The following MRAP2 variants were observed in gnomAD, a reference collection of about 807,000 sequenced individuals.
MRAP2 encodes the protein melanocortin-2 receptor accessory protein 2.
In MRAP2, 20 loss-of-function variants were observed where a neutral mutation model predicts 17.4. That is an observed-to-expected ratio of 1.15 (90% CI 0.81 to 1.67). The LOEUF (loss-of-function observed/expected upper bound fraction) is 1.67. MRAP2 is among the 40% of genes most tolerant of loss of function. The probability of loss-of-function intolerance (pLI) is 0.00; values close to 1 mark genes in which losing one functional copy is unlikely to be tolerated. For missense variants in MRAP2, 238 were observed against 240.0 expected, an observed-to-expected ratio of 0.99 and a Z score of 0.05; for synonymous variants, 96 against 88.4, an observed-to-expected ratio of 1.09 and a Z score of -0.48.
In MRAP2 at chr6:84,056,252, G is replaced by A. The variant is rs182212184; in HGVS notation, c.127+807G>A. Among the ~76,000 whole-genome samples, 15 of 152,316 alleles carry A rather than the reference G, an allele frequency of 9.8e-5. No individual in the cohort carries two copies. The South Asian group carries it at 1.0e-3, about 11-fold the overall frequency. On this transcript the variant is annotated intron_variant, in intron 2 of 3. Coordinates refer to ENST00000257776, the MANE Select transcript of MRAP2 (RefSeq NM_138409.4). ...GGTCCAGGTTAGTGGGACACATTAG[G>A]AAATATAAGAGGGCTTAGAATCAGA...
chr6:84,057,118 G>A (rs9449761), intron 2 of MRAP2, among the ~76,000 whole-genome samples: 7,815 of 152,120 alleles, frequency 0.051, 625 homozygotes, highest in African/African-American at 0.17. Context: ...AAATATATGC[G>A]ACACATTGAG....
At chr6:84,044,131 C>T (rs1049514382) in intron 1 of MRAP2, among the ~76,000 whole-genome samples, 6 of 152,130 alleles carry the variant, frequency 3.9e-5, no homozygotes, top group South Asian at 2.1e-4. Context: ...TGAATTTCCT[C>T]GGGCTGCCAT....
At chr6:84,125,307 A>G in the MRAP2 span, 4 of 1,572,376 alleles carry the variant, frequency 2.5e-6, no homozygotes, top group Admixed American at 3.4e-5. Flanking sequence ...CATTGCTGTT[A>G]TAGTTCATAG....
chr6:84,062,084 T>C, intron 2 of MRAP2: 2 of 985,476 alleles, frequency 2.0e-6, no homozygotes, highest in Non-Finnish European at 2.4e-6. Flanking sequence ...AATGCAAAGT[T>C]GCTACCTAAT....
chr6:84,088,660 G>C (rs2099501068), intron 3 of MRAP2, among the ~76,000 whole-genome samples: 1 of 152,188 alleles, frequency 6.6e-6, no homozygotes, highest in African/African-American at 2.4e-5. Flanking sequence ...CTAAACTTCA[G>C]TATGAGTAAT....
At chr6:84,061,557 A>G (rs186422421) in intron 2 of MRAP2, among the ~76,000 whole-genome samples, 2 of 152,354 alleles carry the variant, frequency 1.3e-5, no homozygotes, top group Non-Finnish European at 2.9e-5. Flanking sequence ...AATTATGGAA[A>G]TTAGTTGAGG....
At chr6:84,102,708 A>T in the MRAP2 span, among the ~76,000 whole-genome samples, 2 of 152,300 alleles carry the variant, frequency 1.3e-5, no homozygotes, top group Admixed American at 6.5e-5. Flanking sequence ...GATTTATGTA[A>T]GACATTAGAG....
At chr6:84,112,618 G>C in the MRAP2 span, among the ~76,000 whole-genome samples, 1 of 152,064 alleles carries the variant, frequency 6.6e-6, no homozygotes, top group Non-Finnish European at 1.5e-5. Flanking sequence ...GTTCTGATCT[G>C]ATCTTAGTTA....
chr6:84,045,430 G>A (rs1038999738), intron 1 of MRAP2: 17 of 973,986 alleles, frequency 1.7e-5, no homozygotes, highest in South Asian at 1.4e-4. Context: ...GCCCCCAGCC[G>A]TCACCCTTCA....
the MRAP2 span, among the ~76,000 whole-genome samples, chr6:84,140,127 C>G: frequency 6.6e-6 from 1 of 152,138 alleles, no homozygotes; most frequent in Non-Finnish European, 1.5e-5. Context: ...TGGCTTGTGT[C>G]AGGCAGCCAG....
intron 1 of MRAP2, among the ~76,000 whole-genome samples, chr6:84,045,564 A>G (rs2099488785): frequency 6.6e-6 from 1 of 152,134 alleles, no homozygotes; most frequent in East Asian, 1.9e-4. Context: ...GGAGTTTGAG[A>G]CCAGCCTGGC....
the MRAP2 span, among the ~76,000 whole-genome samples, chr6:84,141,186 C>T: frequency 1.3e-5 from 2 of 152,008 alleles, no homozygotes; most frequent in Non-Finnish European, 2.9e-5. Flanking sequence ...GGGTTGGGGA[C>T]CCCTGGTCTA....
intron 1 of MRAP2, among the ~76,000 whole-genome samples, chr6:84,041,132 G>A (rs1456085080): frequency 6.6e-6 from 1 of 152,206 alleles, no homozygotes; most frequent in Non-Finnish European, 1.5e-5. Flanking sequence ...ATGGCTAAAA[G>A]GGGCCAAGGC....
chr6:84,121,525 A>G, the MRAP2 span, among the ~76,000 whole-genome samples: 1 of 152,134 alleles, frequency 6.6e-6, no homozygotes, highest in Non-Finnish European at 1.5e-5. Flanking sequence ...TGCGCCTGTA[A>G]TCTCAGCTAC....
intron 3 of MRAP2, among the ~76,000 whole-genome samples, chr6:84,074,095 G>T (rs763234591): frequency 3.9e-5 from 6 of 152,118 alleles, no homozygotes; most frequent in Non-Finnish European, 8.8e-5. Context: ...TGTGTGAGCT[G>T]AAGAGTCTAG....
intron 1 of MRAP2, among the ~76,000 whole-genome samples, chr6:84,041,378 A>T (rs549019388): frequency 2.0e-5 from 3 of 152,314 alleles, no homozygotes; most frequent in African/African-American, 7.2e-5. Context: ...CAGAAAGGGA[A>T]TGTGGAGTCA....
rs1305371931 is a variant in MRAP2, at chr6:84,033,810, G to GCGGCGC, written c.-80_-75dup. The GCGGCGC allele has an allele frequency of 1.0e-6, 1 of 986,686 alleles. No individual in the cohort carries two copies. Among genetic ancestry groups the GCGGCGC allele is most frequent in the Non-Finnish European group, 1.2e-6 (1 of 831,284 alleles). The allele number at this position is 986,686 out of a possible 1,614,324, so 61.1% of individuals were successfully genotyped here. ...TGGGCGGTGGGAGGCGGCGGCGGCG[G>GCGGCGC]CGGCGCTCGCGCACCTCGGAGGAGC... On this transcript the variant is annotated 5_prime_UTR_variant, in exon 1 of 4. Transcript: ENST00000257776.
At chr6:84,096,191 T>C in the MRAP2 span, among the ~76,000 whole-genome samples, 1 of 152,130 alleles carries the variant, frequency 6.6e-6, no homozygotes, top group African/African-American at 2.4e-5. Flanking sequence ...AGATGTTGTA[T>C]GTATAGGAGA....
intron 1 of MRAP2, among the ~76,000 whole-genome samples, chr6:84,043,018 C>T (rs1277227834): frequency 6.6e-6 from 1 of 152,176 alleles, no homozygotes; most frequent in African/African-American, 2.4e-5. Flanking sequence ...TGTTTGGAGA[C>T]AGATACCACA....
Sources: allele counts gnomAD v4.1 joint callset (sites outside exome capture counted in the v4.1 genomes callset), GRCh38; gene constraint gnomAD v4.1.1; transcripts MANE v1.5; gene names NCBI Gene and HGNC (gene_info 2026-07-23, HGNC 2026-07-21).